Variants in GABBR2 observed in about 807,000 individuals in gnomAD.
The protein encoded by GABBR2 is gamma-aminobutyric acid type B receptor subunit 2.
A neutral mutation model predicts 105.6 loss-of-function variants in GABBR2; 23 were observed. The ratio of observed to expected loss-of-function variants is 0.22; its 90% confidence interval spans 0.16 to 0.31. GABBR2 has a LOEUF of 0.31. Among genes scored for constraint, GABBR2 ranks in the 10% least tolerant of loss-of-function variants. The pLI is 1.00. For missense variants in GABBR2, 734 were observed against 1,245.5 expected, an observed-to-expected ratio of 0.59 and a Z score of 6.18; for synonymous variants, 478 against 499.7, an observed-to-expected ratio of 0.96 and a Z score of 0.58.
At chr9:98,525,104 A>G (rs1425887757) in intron 3 of GABBR2, among the ~76,000 whole-genome samples, 1 of 152,238 alleles carries the variant, frequency 6.6e-6, no homozygotes, top group Admixed American at 6.5e-5. Context: ...TGAATTAGAC[A>G]ATGGTCTCTT....
intron 1 of GABBR2, among the ~76,000 whole-genome samples, chr9:98,706,986 T>A (rs1387587693): frequency 6.6e-6 from 1 of 152,276 alleles, no homozygotes; most frequent in Admixed American, 6.5e-5. Flanking sequence ...CCAGCTTGCA[T>A]CCTCTGGGGC....
At chr9:98,602,534 T>C (rs1276928703) in intron 1 of GABBR2, among the ~76,000 whole-genome samples, 2 of 151,004 alleles carry the variant, frequency 1.3e-5, no homozygotes, top group African/African-American at 4.9e-5. Flanking sequence ...CAAATGATCC[T>C]CCCTCCTAGA....
intron 1 of GABBR2, among the ~76,000 whole-genome samples, chr9:98,638,773 C>T (rs906284223): frequency 2.0e-5 from 3 of 152,166 alleles, no homozygotes; most frequent in Admixed American, 6.5e-5. Context: ...AAGGTAATCA[C>T]CCCAGCACCT....
At chr9:98,581,556 T>C (rs1829004433) in intron 1 of GABBR2, among the ~76,000 whole-genome samples, 1 of 152,040 alleles carries the variant, frequency 6.6e-6, no homozygotes, top group Non-Finnish European at 1.5e-5. Context: ...AAGTTCTTAC[T>C]GCTTCTGGGG....
At chr9:98,307,098 C>G (rs979617035) in intron 14 of GABBR2, among the ~76,000 whole-genome samples, 1 of 152,186 alleles carries the variant, frequency 6.6e-6, no homozygotes, top group Non-Finnish European at 1.5e-5. Context: ...ATGCAAGGAA[C>G]TGAGATTCTG....
At chr9:98,649,036 C>G (rs1830069097) in intron 1 of GABBR2, among the ~76,000 whole-genome samples, 1 of 152,066 alleles carries the variant, frequency 6.6e-6, no homozygotes, top group African/African-American at 2.4e-5. Flanking sequence ...ACACAGAGCC[C>G]AAAGGAAAGT....
chr9:98,468,784 C>T (rs537988567), intron 6 of GABBR2, among the ~76,000 whole-genome samples: 118 of 152,232 alleles, frequency 7.8e-4, no homozygotes, highest in African/African-American at 2.7e-3. Context: ...GGATCCACAC[C>T]GGATCTCTGG....
intron 13 of GABBR2, among the ~76,000 whole-genome samples, chr9:98,332,832 C>A (rs1831051220): frequency 6.6e-6 from 1 of 152,250 alleles, no homozygotes; most frequent in African/African-American, 2.4e-5. Flanking sequence ...GAGTACCTTT[C>A]TCACTTTAAT....
chr9:98,493,934 C>T (rs1452151714), intron 4 of GABBR2, among the ~76,000 whole-genome samples: 1 of 152,128 alleles, frequency 6.6e-6, no homozygotes, highest in African/African-American at 2.4e-5. Flanking sequence ...TGATAAAACA[C>T]CAGGTAAAAT....
rs920876160 is a variant in GABBR2, at chr9:98,568,359, C to T, written c.459+9576G>A. ...CTGTGGTGTAGAGACAATCCTGTAA[C>T]AAGGGATGCTGGACACATGGCGTAA... is the stretch of plus-strand genomic sequence containing the variant. On this transcript the variant is annotated intron_variant, in intron 2 of 18. Transcript: ENST00000259455. Among the ~76,000 whole-genome samples, 12 of 152,270 alleles carry T rather than the reference C, an allele frequency of 7.9e-5. No homozygotes were observed. In the East Asian group the frequency reaches 1.2e-3, roughly 15 times the overall value.
At chr9:98,507,618 G>A (rs74883299) in intron 3 of GABBR2, among the ~76,000 whole-genome samples, 3,013 of 152,262 alleles carry the variant, frequency 0.02, 61 homozygotes, top group Non-Finnish European at 0.029. Context: ...AGCAGAACAG[G>A]AAACTGATAC....
chr9:98,420,975 C>T (rs1388474347), intron 7 of GABBR2, among the ~76,000 whole-genome samples: 1 of 152,062 alleles, frequency 6.6e-6, no homozygotes, highest in Non-Finnish European at 1.5e-5. Flanking sequence ...CTTGCTTTGC[C>T]AGATATTAAG....
chr9:98,378,901 A>C (rs1240895990), intron 11 of GABBR2, among the ~76,000 whole-genome samples: 1 of 152,194 alleles, frequency 6.6e-6, no homozygotes, highest in African/African-American at 2.4e-5. Flanking sequence ...TTAAGTAGAA[A>C]AGTAGATAAA....
intron 6 of GABBR2, among the ~76,000 whole-genome samples, chr9:98,462,186 T>C (rs964846439): frequency 6.6e-6 from 1 of 152,262 alleles, no homozygotes; most frequent in Non-Finnish European, 1.5e-5. Flanking sequence ...ATTATACTTT[T>C]TCAACATATC....
intron 13 of GABBR2, among the ~76,000 whole-genome samples, chr9:98,339,690 TA>T (rs1236062121): frequency 1.3e-5 from 2 of 152,248 alleles, no homozygotes; most frequent in African/African-American, 4.8e-5. Context: ...TTTCCTCAGT[TA>T]TTCAACTAAT....
chr9:98,519,496 T>C (rs937978785), intron 3 of GABBR2, among the ~76,000 whole-genome samples: 6 of 152,222 alleles, frequency 3.9e-5, no homozygotes, highest in Non-Finnish European at 7.3e-5. Context: ...GTGCCTGTCA[T>C]ATGTGGAGCC....
intron 4 of GABBR2, among the ~76,000 whole-genome samples, chr9:98,484,587 T>A (rs1008142455): frequency 6.6e-6 from 1 of 151,950 alleles, no homozygotes; most frequent in African/African-American, 2.4e-5. Flanking sequence ...TGGATGGGGA[T>A]CTTGGGGGGC....
chr9:98,430,179 A>G (rs1274099852), intron 7 of GABBR2, among the ~76,000 whole-genome samples: 1 of 151,654 alleles, frequency 6.6e-6, no homozygotes, highest in Non-Finnish European at 1.5e-5. Context: ...AGTCCCAGCT[A>G]CTTAGGAGGC....
chr9:98,564,838 A>G (rs905560466), intron 2 of GABBR2, among the ~76,000 whole-genome samples: 7 of 152,164 alleles, frequency 4.6e-5, no homozygotes, highest in African/African-American at 1.7e-4. Flanking sequence ...AGGAATGGGC[A>G]AAACAAAGGA....
Sources: allele counts gnomAD v4.1 joint callset (sites outside exome capture counted in the v4.1 genomes callset), GRCh38; gene constraint gnomAD v4.1.1; transcripts MANE v1.5; gene names NCBI Gene and HGNC (gene_info 2026-07-23, HGNC 2026-07-21).